Variants in NMNAT3 observed in about 807,000 individuals in gnomAD.
The protein encoded by NMNAT3 is nicotinamide/nicotinic acid mononucleotide adenylyltransferase 3.
NMNAT3 carries 21 observed loss-of-function variants against 24.8 expected under a neutral mutation model. That is an observed-to-expected ratio of 0.85 (90% CI 0.60 to 1.22). The LOEUF is 1.22. Among genes scored for constraint, NMNAT3 ranks in the 50% most tolerant of loss-of-function variants. The probability of loss-of-function intolerance (pLI) is 0.00; values close to 1 mark genes in which losing one functional copy is unlikely to be tolerated. For synonymous variants in NMNAT3, 136 were observed against 155.2 expected, an observed-to-expected ratio of 0.88 and a Z score of 0.92; for missense variants, 387 against 436.6, an observed-to-expected ratio of 0.89 and a Z score of 1.01.
intron 3 of NMNAT3, among the ~76,000 whole-genome samples, chr3:139,587,915 C>T (rs1258490751): frequency 6.6e-6 from 1 of 152,214 alleles, no homozygotes; most frequent in African/African-American, 2.4e-5. Flanking sequence ...ACAGGGCTCT[C>T]TCCAGGCAGC....
chr3:139,582,666 A>G (rs1277148908), intron 4 of NMNAT3, among the ~76,000 whole-genome samples: 1 of 143,134 alleles, frequency 7.0e-6, no homozygotes, highest in East Asian at 2.1e-4. Flanking sequence ...AAAAAAAAAG[A>G]AAAGAAAATG....
intron 3 of NMNAT3, among the ~76,000 whole-genome samples, chr3:139,596,217 T>C (rs1036856029): frequency 1.2e-4 from 19 of 152,148 alleles, no homozygotes; most frequent in Non-Finnish European, 4.4e-5. Context: ...AGGTTCTGTT[T>C]AATTACTTTG....
intron 1 of NMNAT3, among the ~76,000 whole-genome samples, chr3:139,644,293 A>G (rs1274327962): frequency 6.6e-6 from 1 of 152,240 alleles, no homozygotes. Context: ...AAGAATGCAA[A>G]TAAGACTGGC....
chr3:139,660,493 T>C (rs1403444459), intron 1 of NMNAT3, among the ~76,000 whole-genome samples: 1 of 152,190 alleles, frequency 6.6e-6, no homozygotes, highest in Non-Finnish European at 1.5e-5. Context: ...TCTTATACAA[T>C]TCATTTCACC....
chr3:139,639,458 C>T (rs2056622790), intron 1 of NMNAT3, among the ~76,000 whole-genome samples: 2 of 152,176 alleles, frequency 1.3e-5, no homozygotes, highest in South Asian at 2.1e-4. Flanking sequence ...GGGACAAAGG[C>T]AGGCAGAGTT....
At chr3:139,561,567 A>G (rs916783177) in intron 6 of NMNAT3, among the ~76,000 whole-genome samples, 175 bp from the exon 7 acceptor site, 1 of 152,246 alleles carries the variant, frequency 6.6e-6, no homozygotes, top group Non-Finnish European at 1.5e-5. Flanking sequence ...ATTTCAGGGA[A>G]TACAGTTGTA....
At chr3:139,591,981 C>T (rs1366353385) in intron 3 of NMNAT3, among the ~76,000 whole-genome samples, 1 of 152,174 alleles carries the variant, frequency 6.6e-6, no homozygotes, top group African/African-American at 2.4e-5. Context: ...ATGACTTTGA[C>T]GAGCTGAGAG....
At chr3:139,642,584 C>T (rs749337856) in intron 1 of NMNAT3, among the ~76,000 whole-genome samples, 16 of 152,166 alleles carry the variant, frequency 1.1e-4, no homozygotes, top group Non-Finnish European at 1.9e-4. Context: ...GGCACTGTGA[C>T]CTGAGAACTT....
At chr3:139,665,557 C>T (rs935577690) in intron 1 of NMNAT3, among the ~76,000 whole-genome samples, 18 of 152,232 alleles carry the variant, frequency 1.2e-4, no homozygotes, top group Non-Finnish European at 2.1e-4. Context: ...CTGGCTTGAG[C>T]TCTTGAGGAA....
intron 1 of NMNAT3, among the ~76,000 whole-genome samples, chr3:139,670,194 G>A (rs1398947670): frequency 6.6e-6 from 1 of 152,214 alleles, no homozygotes; most frequent in Non-Finnish European, 1.5e-5. Flanking sequence ...TGTTCATGGT[G>A]TTAAAGGGAA....
intron 1 of NMNAT3, among the ~76,000 whole-genome samples, chr3:139,642,023 T>TC (rs1389216373): frequency 6.6e-6 from 1 of 152,172 alleles, no homozygotes; most frequent in African/African-American, 2.4e-5. Flanking sequence ...GGAAATATTC[T>TC]CCCAGATGAT....
chr3:139,602,025 C>G (rs1049586613), intron 3 of NMNAT3, among the ~76,000 whole-genome samples: 2 of 152,216 alleles, frequency 1.3e-5, no homozygotes, highest in Admixed American at 6.5e-5. Context: ...TTTCTTGATA[C>G]ATTTTCAATT....
chr3:139,657,670 G>A (rs56122860), intron 1 of NMNAT3, among the ~76,000 whole-genome samples: 6,636 of 152,144 alleles, frequency 0.044, 196 homozygotes, highest in Admixed American at 0.094. Context: ...AGTGTGACAT[G>A]AAGGTTGGGT....
chr3:139,619,328 G>C (rs767151612), intron 3 of NMNAT3, among the ~76,000 whole-genome samples: 24 of 152,168 alleles, frequency 1.6e-4, no homozygotes, highest in Non-Finnish European at 3.4e-4. Context: ...TTTCCAGGGA[G>C]GGAGGACTGA....
At chr3:139,617,172 T>C (rs917587974) in intron 3 of NMNAT3, among the ~76,000 whole-genome samples, 1 of 152,152 alleles carries the variant, frequency 6.6e-6, no homozygotes, top group African/African-American at 2.4e-5. Flanking sequence ...CTGATGGCAC[T>C]GGGAGCGTCC....
At chr3:139,582,113 T>G (rs2053648668) in intron 4 of NMNAT3, among the ~76,000 whole-genome samples, 1 of 139,872 alleles carries the variant, frequency 7.1e-6, no homozygotes, top group Admixed American at 8.1e-5. Context: ...GAGAATCGCC[T>G]GAGCCCAGGA....
At chr3:139,637,771 G>C (rs1246709667) in intron 2 of NMNAT3, 192 bp downstream of exon 2, 1 of 152,122 alleles carries the variant, frequency 6.6e-6, no homozygotes, top group African/African-American at 2.4e-5. Context: ...TTCCTGCAAG[G>C]CCCACCTGGA....
At chr3:139,598,429 T>A (rs1329655528) in intron 3 of NMNAT3, among the ~76,000 whole-genome samples, 1 of 152,122 alleles carries the variant, frequency 6.6e-6, no homozygotes, top group African/African-American at 2.4e-5. Context: ...CCAGCTGCCA[T>A]GAATGGGTTC....
At chr3:139,579,639 G>A (rs953044333) in intron 4 of NMNAT3, among the ~76,000 whole-genome samples, 1 of 152,134 alleles carries the variant, frequency 6.6e-6, no homozygotes, top group Non-Finnish European at 1.5e-5. Context: ...CATGGACTGT[G>A]CTCACTAACC....
Sources: allele counts gnomAD v4.1 joint callset (sites outside exome capture counted in the v4.1 genomes callset), GRCh38; gene constraint gnomAD v4.1.1; transcripts MANE v1.5; gene names NCBI Gene and HGNC (gene_info 2026-07-23, HGNC 2026-07-21).